The following ZNF585B variants were observed in gnomAD, a reference collection of about 807,000 sequenced individuals.
ZNF585B encodes zinc finger protein 41-like protein.
ZNF585B carries 7 observed loss-of-function variants against 14.0 expected under a neutral mutation model. The observed-to-expected ratio is 0.50, with a 90% CI of 0.28 to 0.94. The LOEUF (loss-of-function observed/expected upper bound fraction) is 0.94. ZNF585B is among the 40% of genes least tolerant of loss of function. The pLI is 0.09. For synonymous variants in ZNF585B, 290 were observed against 317.3 expected (o/e 0.91, Z 0.91); for missense variants, 750 against 924.4 (o/e 0.81, Z 2.45).
At position 37,201,232 on chromosome 19, in the gene ZNF585B, G is replaced by A. The variant is rs909680570; in HGVS notation, c.72+5808C>T. Among the ~76,000 whole-genome samples the A allele has an allele frequency of 3.3e-5, 5 of 151,988 alleles. No homozygotes were observed. The East Asian group carries it at 7.7e-4, about 23-fold the overall frequency. ...AGCAAGAACCTCCACCTTAATATTT[G>A]AGCTGAATTCTCACCAAAAAAATTA... is the stretch of plus-strand genomic sequence containing the variant. On this transcript the variant is annotated intron_variant, in intron 2 of 4. Coordinates refer to ENST00000532828, the MANE Select transcript of ZNF585B (RefSeq NM_152279.4).
intron 2 of ZNF585B, among the ~76,000 whole-genome samples, chr19:37,192,772 T>C (rs1290210104): frequency 1.3e-5 from 2 of 151,926 alleles, no homozygotes; most frequent in Non-Finnish European, 2.9e-5. Flanking sequence ...ATTACGCCAC[T>C]GCACTCCAGC....
chr19:37,200,934 T>C (rs1307175531), intron 2 of ZNF585B, among the ~76,000 whole-genome samples: 2 of 151,230 alleles, frequency 1.3e-5, no homozygotes, highest in African/African-American at 4.9e-5. Context: ...CTACTAAAAA[T>C]ACAAAAATTA....
intron 2 of ZNF585B, 165 bp from the exon 3 acceptor site, chr19:37,190,315 G>C: frequency 1.1e-6 from 1 of 924,580 alleles, no homozygotes; most frequent in Admixed American, 3.2e-5. Flanking sequence ...GCGCGATCTT[G>C]GCTTACTGCA....
In ZNF585B at chr19:37,185,944, A is replaced by G. The variant is rs375817703; in HGVS notation, c.1593T>C (p.Phe531=). 8.6e-5 allele frequency: 138 copies of G among 1,613,508 alleles called. No individual in the cohort carries two copies. The highest frequency in any genetic ancestry group is 2.2e-4 in the Admixed American group (13 of 59,994). The stretch of plus-strand genomic sequence containing the variant: ...GTATATTAAGATTTGACTTCTGAGT[A>G]AAGGCTTTTCCACAAGTATTGCATT... ...PYECNTCGKA[F]TQKSNLNIHQ... is the part of the protein sequence containing the mutation. Residue 531 remains phenylalanine (F), a synonymous_variant, in exon 5 of 5, where the codon TTT becomes TTC. Transcript: ENST00000532828.
intron 2 of ZNF585B, among the ~76,000 whole-genome samples, chr19:37,200,805 C>A (rs1972523285): frequency 6.7e-6 from 1 of 149,354 alleles, no homozygotes; most frequent in Non-Finnish European, 1.5e-5. Flanking sequence ...AAAGAAAAAA[C>A]AGAGGCCAGG....
chr19:37,208,387 G>C (rs1972609630), intron 1 of ZNF585B, among the ~76,000 whole-genome samples: 1 of 152,088 alleles, frequency 6.6e-6, no homozygotes, highest in African/African-American at 2.4e-5. Context: ...GTATAGCATT[G>C]TGGTGGGGTG....
chr19:37,207,499 C>A (rs1313988323), intron 1 of ZNF585B, among the ~76,000 whole-genome samples: 3 of 152,194 alleles, frequency 2.0e-5, no homozygotes, highest in African/African-American at 7.2e-5. Context: ...GCTGATGCTG[C>A]TGGTACAAGA....
In ZNF585B at chr19:37,184,442, AGGAAAGAAAGAAAGAAAG is replaced by A. The variant is rs1972302206; in HGVS notation, c.*767_*784del. 3 of 58,108 alleles carry A rather than the reference AGGAAAGAAAGAAAGAAAG, an allele frequency of 5.2e-5. No individual in the cohort carries two copies. Among genetic ancestry groups the A allele is most frequent in the African/African-American group, 2.4e-4 (3 of 12,372 alleles). 3.6% of individuals were successfully genotyped at this position (58,108 alleles called of 1,614,324 possible). Reference sequence around the variant, plus strand: ...AGAAAGAAAGAAAAAGAAAGAAAGAAGGAAAGAAAGAAAGAAAGAAAGAAAGAAAGAAAGAAAGAAAGA... The same window carrying A: ...AGAAAGAAAGAAAAAGAAAGAAAGAAAAAGAAAGAAAGAAAGAAAGAAAGA... On this transcript the variant is annotated 3_prime_UTR_variant, in exon 5 of 5. Coordinates refer to ENST00000532828, the MANE Select transcript of ZNF585B (RefSeq NM_152279.4).
chr19:37,197,640 C>G (rs1972481656), intron 2 of ZNF585B, among the ~76,000 whole-genome samples: 2 of 152,316 alleles, frequency 1.3e-5, no homozygotes, highest in South Asian at 2.1e-4. Context: ...TCTCCAGCAT[C>G]TGTTGTTTCC....
chr19:37,204,942 G>A lies in ZNF585B; in HGVS notation c.72+2098C>T, dbSNP rs990101215. Among the ~76,000 whole-genome samples, 13 of 152,076 alleles carry A rather than the reference G, an allele frequency of 8.5e-5. No homozygotes were observed. In the East Asian group the frequency reaches 1.4e-3, roughly 16 times the overall value. ...TTTTTATTTTTAGTAGAGACGGGGC[G>A]TCACCATGTTGGCTAGGCTGGTCTC... On this transcript the variant is annotated intron_variant, in intron 2 of 4. Transcript: ENST00000532828.
rs1972343942 is a variant in ZNF585B at position 37,186,984 on chromosome 19, G to A, written c.553C>T (p.Pro185Ser). 6.2e-7 allele frequency: 1 copy of A among 1,613,856 alleles called. No individual in the cohort carries two copies. Among genetic ancestry groups the A allele is most frequent in the Non-Finnish European group, 8.5e-7 (1 of 1,179,952 alleles). The change falls in exon 5 of 5, where the codon CCC becomes TCC. Residue 185 changes from proline to serine, a missense_variant. Pro to Ser is a moderately conservative substitution (Grantham distance 74). Coordinates refer to ENST00000532828, the MANE Select transcript of ZNF585B (RefSeq NM_152279.4). ...THQKTHMREK[P>S]YKCNECGKSF... ...TTTCCACATTCATTGCACTTATAGG[G>A]CTTCTCTCTCATATGGGTTTTCTGA... is the stretch of plus-strand genomic sequence containing the variant.
intron 2 of ZNF585B, chr19:37,199,620 A>T: frequency 3.5e-6 from 1 of 283,796 alleles, no homozygotes; most frequent in Non-Finnish European, 7.1e-6. Flanking sequence ...TATGAGCAAA[A>T]AGGATAAAAC....
At chr19:37,208,346 GATATTAAAATA>G (rs1193694375) in intron 1 of ZNF585B, among the ~76,000 whole-genome samples, 1 of 152,024 alleles carries the variant, frequency 6.6e-6, no homozygotes, top group Non-Finnish European at 1.5e-5. Context: ...AACCCCTAAG[GATATTAAAATA>G]ATTTTCAGAC....
chr19:37,191,540 C>T lies in ZNF585B; in HGVS notation c.73-1390G>A, dbSNP rs1341484152. ...GGCTGAGGAGGGAGAATCACTTGAA[C>T]TTGGGAGGTGGAGTTTGCAGTGAGC... On this transcript the variant is annotated intron_variant, in intron 2 of 4. Transcript: ENST00000532828. Among the ~76,000 whole-genome samples the T allele has an allele frequency of 2.0e-5, 3 of 151,586 alleles. No homozygotes were observed. The East Asian group carries it at 5.8e-4, about 29-fold the overall frequency.
At chr19:37,188,723 G>C (rs1972367324) in intron 4 of ZNF585B, among the ~76,000 whole-genome samples, 1 of 152,032 alleles carries the variant, frequency 6.6e-6, no homozygotes, top group South Asian at 2.1e-4. Flanking sequence ...TAACAGTGTG[G>C]AATCGCTCAA....
chr19:37,202,649 T>G (rs1402202842), intron 2 of ZNF585B, among the ~76,000 whole-genome samples: 4 of 151,576 alleles, frequency 2.6e-5, no homozygotes, highest in Admixed American at 1.3e-4. Flanking sequence ...GGTTTTTTTT[T>G]TTTTTTTTTT....
intron 2 of ZNF585B, among the ~76,000 whole-genome samples, chr19:37,198,328 T>C (rs893210056): frequency 5.3e-5 from 8 of 150,846 alleles, no homozygotes; most frequent in Non-Finnish European, 8.9e-5. Flanking sequence ...TGTGCCACCA[T>C]GCCCGGCTAA....
At position 37,207,210 on chromosome 19, in the gene ZNF585B, T is replaced by C; in HGVS notation, c.-99A>G. The C allele has an allele frequency of 6.4e-7, 1 of 1,566,966 alleles. No individual in the cohort carries two copies. ...TGCTCCGAAGAGGTGGGCTGGAGTCTGGAGGAAGGTCTGGCCCAGGGACTC... is the reference window on the plus strand; with the variant it reads ...TGCTCCGAAGAGGTGGGCTGGAGTCCGGAGGAAGGTCTGGCCCAGGGACTC... On this transcript the variant is annotated 5_prime_UTR_variant, in exon 2 of 5. Transcript: ENST00000532828.
chr19:37,198,855 T>C, intron 2 of ZNF585B: 1 of 678,730 alleles, frequency 1.5e-6, no homozygotes, highest in Non-Finnish European at 2.3e-6. Flanking sequence ...GGGGAGGGTA[T>C]GAGCATGCAG....
Sources: allele counts gnomAD v4.1 joint callset (sites outside exome capture counted in the v4.1 genomes callset), GRCh38; gene constraint gnomAD v4.1.1; transcripts MANE v1.5; gene names NCBI Gene and HGNC (gene_info 2026-07-23, HGNC 2026-07-21).